TBC1D1: variants seen among roughly 807,000 people sequenced by gnomAD.
TBC1D1 encodes TBC1 domain family member 1, also known as TBC1 (tre-2/USP6, BUB2, cdc16) domain family, member 1.
A neutral mutation model predicts 125.6 loss-of-function variants in TBC1D1; 89 were observed. The ratio of observed to expected loss-of-function variants is 0.71; its 90% confidence interval spans 0.60 to 0.85. The LOEUF (loss-of-function observed/expected upper bound fraction) is 0.85, where lower values mean the gene tolerates loss of function less well. TBC1D1 is among the 40% of genes least tolerant of loss of function. The pLI, the probability that TBC1D1 is intolerant of heterozygous loss-of-function variation, is 0.00. For synonymous variants in TBC1D1, 565 were observed against 564.1 expected (o/e 1.00, Z -0.02); for missense variants, 1,377 against 1,469.2 (o/e 0.94, Z 1.03).
At chr4:38,003,136 G>A (rs1043200030) in intron 2 of TBC1D1, among the ~76,000 whole-genome samples, 11 of 152,126 alleles carry the variant, frequency 7.2e-5, no homozygotes, top group African/African-American at 2.7e-4. Context: ...ATTCGATTTG[G>A]TAGAATGGAG....
intron 2 of TBC1D1, among the ~76,000 whole-genome samples, chr4:37,963,427 C>T (rs1042037101): frequency 4.6e-5 from 7 of 152,060 alleles, no homozygotes; most frequent in South Asian, 2.1e-4. Context: ...TCCAGGTGGG[C>T]GGACCACTGG....
intron 17 of TBC1D1, among the ~76,000 whole-genome samples, chr4:38,120,577 G>A (rs1206698216): frequency 3.9e-5 from 6 of 152,174 alleles, no homozygotes; most frequent in African/African-American, 4.8e-5. Flanking sequence ...AAATATTTCA[G>A]TTTGCACCAC....
At chr4:37,940,048 A>C (rs1725218622) in intron 2 of TBC1D1, among the ~76,000 whole-genome samples, 1 of 152,150 alleles carries the variant, frequency 6.6e-6, no homozygotes, top group Non-Finnish European at 1.5e-5. Context: ...AGTTTTTTCC[A>C]ATTCTGTGAA....
chr4:38,073,141 G>A (rs1390371582), intron 12 of TBC1D1, among the ~76,000 whole-genome samples: 1 of 152,224 alleles, frequency 6.6e-6, no homozygotes, highest in Admixed American at 6.5e-5. Context: ...TATGTACCCA[G>A]AAGTGGGTTT....
chr4:37,936,742 G>A (rs903465480), intron 2 of TBC1D1, among the ~76,000 whole-genome samples: 1 of 152,208 alleles, frequency 6.6e-6, no homozygotes. Flanking sequence ...GGGAAGAAGT[G>A]AGATATACTA....
intron 12 of TBC1D1, among the ~76,000 whole-genome samples, chr4:38,062,345 T>C (rs1360041429): frequency 6.6e-6 from 1 of 152,088 alleles, no homozygotes; most frequent in African/African-American, 2.4e-5. Flanking sequence ...TTGCAACTTA[T>C]TTGAATGGAG....
chr4:37,954,203 C>T (rs558370415), intron 2 of TBC1D1, among the ~76,000 whole-genome samples: 3 of 152,258 alleles, frequency 2.0e-5, no homozygotes, highest in Admixed American at 1.3e-4. Context: ...CTCCTCGCAC[C>T]AGTGCATTCT....
chr4:37,952,493 C>T (rs1157772935), intron 2 of TBC1D1: 1 of 176,910 alleles, frequency 5.7e-6, no homozygotes, highest in Non-Finnish European at 1.2e-5. Context: ...ATGGATGGAG[C>T]TGGAAACCAT....
At chr4:38,036,695 G>T (rs938739148) in intron 8 of TBC1D1, among the ~76,000 whole-genome samples, 1 of 152,124 alleles carries the variant, frequency 6.6e-6, no homozygotes, top group Non-Finnish European at 1.5e-5. Context: ...TGGCAGTCAC[G>T]TGCCTTCCCT....
intron 2 of TBC1D1, chr4:37,960,426 T>C (rs773704496): frequency 4.4e-6 from 7 of 1,606,058 alleles, no homozygotes; most frequent in Non-Finnish European, 5.9e-6. Flanking sequence ...AGAGCGGCAA[T>C]AATCCAGAAT....
At chr4:37,939,185 C>G (rs1428045377) in intron 2 of TBC1D1, among the ~76,000 whole-genome samples, 7 of 152,198 alleles carry the variant, frequency 4.6e-5, no homozygotes, top group African/African-American at 1.7e-4. Context: ...TCTCCAGCAC[C>G]TGTTGTTTCC....
intron 12 of TBC1D1, among the ~76,000 whole-genome samples, chr4:38,062,082 G>C (rs1224739701): frequency 6.6e-6 from 1 of 152,124 alleles, no homozygotes; most frequent in Admixed American, 6.5e-5. Flanking sequence ...TGAGTGTGGG[G>C]ATGGGGTCTG....
chr4:38,042,767 T>G (rs1315165080), intron 8 of TBC1D1, among the ~76,000 whole-genome samples: 1 of 152,200 alleles, frequency 6.6e-6, no homozygotes, highest in Non-Finnish European at 1.5e-5. Context: ...TCTCAACCCC[T>G]GGCAAATGCT....
At chr4:38,018,799 TA>T (rs1255341318) in intron 4 of TBC1D1, among the ~76,000 whole-genome samples, 2 of 152,174 alleles carry the variant, frequency 1.3e-5, no homozygotes, top group East Asian at 3.8e-4. Context: ...ATCTTTTTAT[TA>T]GATATATTTC....
rs561032665 is a variant in TBC1D1 at position 37,933,057 on chromosome 4, A to C, written c.417+30545A>C. ...ACAGACTGAGACTCCATTTAAAAAC[A>C]AAAAAACAAAAAAACAAAAAAAACT... On this transcript the variant is annotated intron_variant, in intron 2 of 19. Coordinates refer to ENST00000261439, the MANE Select transcript of TBC1D1 (RefSeq NM_015173.4). 1.7e-3 allele frequency among the ~76,000 whole-genome samples: 248 copies of C among 143,222 alleles called. 4 individuals are homozygous for C. The highest frequency in any genetic ancestry group is 6.8e-3 in the African/African-American group (236 of 34,904). 94.0% of individuals were successfully genotyped at this position (143,222 alleles called of 152,430 possible).
intron 2 of TBC1D1, among the ~76,000 whole-genome samples, chr4:37,970,231 T>C (rs989346203): frequency 1.3e-5 from 2 of 152,266 alleles, no homozygotes; most frequent in South Asian, 2.1e-4. Flanking sequence ...CATGGGCATA[T>C]ATGTTTTCAA....
At chr4:38,003,238 C>T (rs1156673835) in intron 2 of TBC1D1, among the ~76,000 whole-genome samples, 1 of 152,024 alleles carries the variant, frequency 6.6e-6, no homozygotes, top group Admixed American at 6.5e-5. Context: ...TCACAGACCT[C>T]GTGTATTTTG....
rs147294688 is a variant in TBC1D1, at chr4:37,948,754, G to A, written c.417+46242G>A. ...TGGCACTCCCCCAAAAAACCTGTAC[G>A]TATCAGCTGTCACCCCCCGTCTTCC... On this transcript the variant is annotated intron_variant, in intron 2 of 19. Coordinates refer to ENST00000261439, the MANE Select transcript of TBC1D1 (RefSeq NM_015173.4). Among the ~76,000 whole-genome samples, 799 of 152,212 alleles carry A rather than the reference G, an allele frequency of 5.2e-3. 6 individuals carry two copies. Among genetic ancestry groups the A allele is most frequent in the African/African-American group, 0.018 (730 of 41,506 alleles).
intron 2 of TBC1D1, among the ~76,000 whole-genome samples, chr4:37,913,178 G>T (rs868526261): frequency 1.3e-5 from 2 of 152,146 alleles, no homozygotes; most frequent in Non-Finnish European, 2.9e-5. Context: ...GGTCTCCAGT[G>T]GAAGAGAAAG....
Sources: gnomAD v4.1 joint callset for allele counts (sites outside exome capture counted in the v4.1 genomes callset) on GRCh38, gnomAD v4.1.1 for gene constraint, MANE v1.5 for transcripts, NCBI Gene and HGNC (gene_info 2026-07-23, HGNC 2026-07-21) for gene names.